FHIP1A: variants seen among roughly 807,000 people sequenced by gnomAD.
FHIP1A encodes FHF complex subunit HOOK interacting protein 1A.
Under a neutral mutation model 88.6 loss-of-function variants are expected in FHIP1A, and 61 were observed. The observed-to-expected ratio is 0.69, with a 90% CI of 0.56 to 0.85. FHIP1A has a LOEUF of 0.85. Among genes scored for constraint, FHIP1A ranks in the 40% least tolerant of loss-of-function variants. The pLI is 0.00. For missense variants in FHIP1A, 1,154 were observed against 1,273.5 expected (o/e 0.91, Z 1.43); for synonymous variants, 478 against 496.0 (o/e 0.96, Z 0.48).
intron 7 of FHIP1A, among the ~76,000 whole-genome samples, chr4:151,625,591 A>G (rs896724425): frequency 6.6e-6 from 1 of 152,150 alleles, no homozygotes; most frequent in Non-Finnish European, 1.5e-5. Flanking sequence ...CAATAAGTTA[A>G]TGTGCTTCTG....
intron 8 of FHIP1A, among the ~76,000 whole-genome samples, chr4:151,631,798 A>C (rs1483883127): frequency 6.6e-6 from 1 of 152,108 alleles, no homozygotes; most frequent in Non-Finnish European, 1.5e-5. Context: ...AACTCCAACT[A>C]CTGACTTTTA....
chr4:151,661,023 T>C (rs1320139951), intron 13 of FHIP1A, among the ~76,000 whole-genome samples: 4 of 152,134 alleles, frequency 2.6e-5, no homozygotes, highest in Admixed American at 6.5e-5. Context: ...CCTCTAAGGC[T>C]AGTAAGATTT....
rs549439018 is a variant in FHIP1A, at chr4:151,418,623, G to A, written c.-356+9158G>A. Among the ~76,000 whole-genome samples the A allele has an allele frequency of 7.2e-5, 11 of 152,312 alleles. No individual in the cohort carries two copies. In the South Asian group the frequency reaches 2.1e-3, roughly 29 times the overall value. ...TTCTGTCAATATTGGCATGCCAGGAGCAAACTCTTGACTTGGTTGTCTTGG... is the reference window on the plus strand; with the variant it reads ...TTCTGTCAATATTGGCATGCCAGGAACAAACTCTTGACTTGGTTGTCTTGG... On this transcript the variant is annotated intron_variant, in intron 1 of 13. Coordinates refer to ENST00000435205, the MANE Select transcript of FHIP1A (RefSeq NM_001109977.3).
intron 3 of FHIP1A, among the ~76,000 whole-genome samples, chr4:151,528,223 T>G (rs1040216369): frequency 2.2e-4 from 33 of 152,190 alleles, no homozygotes; most frequent in African/African-American, 7.5e-4. Flanking sequence ...CTGGATAAAT[T>G]ATGCCTTGGC....
At chr4:151,486,433 T>C (rs540456873) in intron 3 of FHIP1A, among the ~76,000 whole-genome samples, 6 of 152,238 alleles carry the variant, frequency 3.9e-5, no homozygotes, top group African/African-American at 1.4e-4. Context: ...GAGATTTTGA[T>C]TCAATACGTC....
chr4:151,492,920 G>T (rs908660728), intron 3 of FHIP1A, among the ~76,000 whole-genome samples: 3 of 152,000 alleles, frequency 2.0e-5, no homozygotes, highest in Admixed American at 2.0e-4. Flanking sequence ...GTCACTTCAA[G>T]GACCTGGAGA....
intron 1 of FHIP1A, among the ~76,000 whole-genome samples, chr4:151,430,627 A>G (rs1200231759): frequency 6.6e-6 from 1 of 152,216 alleles, no homozygotes; most frequent in Non-Finnish European, 1.5e-5. Context: ...TAACACATAT[A>G]TGTCTTTGCC....
intron 3 of FHIP1A, among the ~76,000 whole-genome samples, chr4:151,541,473 A>G (rs1402415637): frequency 6.6e-6 from 1 of 152,164 alleles, no homozygotes; most frequent in African/African-American, 2.4e-5. Flanking sequence ...TGTCTGTGTC[A>G]TCAACATCCA....
At chr4:151,613,161 T>C (rs1246953095) in intron 7 of FHIP1A, among the ~76,000 whole-genome samples, 1 of 152,220 alleles carries the variant, frequency 6.6e-6, no homozygotes, top group Non-Finnish European at 1.5e-5. Flanking sequence ...TTTAAAACAC[T>C]GGCTCTTCTG....
intron 3 of FHIP1A, among the ~76,000 whole-genome samples, chr4:151,560,788 C>T (rs1039467841): frequency 1.3e-5 from 2 of 152,136 alleles, no homozygotes; most frequent in African/African-American, 2.4e-5. Flanking sequence ...GAGCTGATAT[C>T]TCAATACTTG....
intron 3 of FHIP1A, among the ~76,000 whole-genome samples, chr4:151,551,052 A>T (rs867488749): frequency 1.3e-5 from 2 of 152,172 alleles, no homozygotes; most frequent in Middle Eastern, 3.2e-3. Context: ...GCAGAGGGAA[A>T]ATTCTGGAGA....
At chr4:151,473,387 C>T (rs1016257848) in intron 2 of FHIP1A, among the ~76,000 whole-genome samples, 2 of 151,940 alleles carry the variant, frequency 1.3e-5, no homozygotes, top group African/African-American at 4.8e-5. Flanking sequence ...TACTCTAAGG[C>T]ATTTCTGAAC....
chr4:151,569,216 G>A (rs1230305377), intron 4 of FHIP1A, among the ~76,000 whole-genome samples: 1 of 152,182 alleles, frequency 6.6e-6, no homozygotes, highest in Non-Finnish European at 1.5e-5. Context: ...TTGCCCAGGT[G>A]TCTGTTACCT....
At chr4:151,442,356 A>C (rs1027607036) in intron 1 of FHIP1A, among the ~76,000 whole-genome samples, 3 of 151,530 alleles carry the variant, frequency 2.0e-5, no homozygotes, top group Non-Finnish European at 2.9e-5. Context: ...CAACAGAAAA[A>C]CCCCCCAAAC....
chr4:151,416,926 G>T (rs202242548), intron 1 of FHIP1A, among the ~76,000 whole-genome samples: 2 of 152,056 alleles, frequency 1.3e-5, no homozygotes, highest in African/African-American at 4.8e-5. Context: ...TGGGACTACA[G>T]GTGCATGCCA....
At chr4:151,557,919 C>T (rs986033949) in intron 3 of FHIP1A, among the ~76,000 whole-genome samples, 5 of 152,086 alleles carry the variant, frequency 3.3e-5, no homozygotes, top group Non-Finnish European at 5.9e-5. Flanking sequence ...TAGACTTACA[C>T]GTGTATGTGC....
rs1737244363 is a variant in FHIP1A, at chr4:151,656,477, T to A, written c.2730+67T>A. The stretch of plus-strand genomic sequence containing the variant: ...GGTGCTAATTTGCAGGGCATCTATT[T>A]CTCTTTATTTTGTTTTTCAAAAATT... On this transcript the variant is annotated intron_variant, in intron 12 of 13. Transcript: ENST00000435205. This position sits in a 1 kb window ranked among gnomAD's most constrained non-coding sequence, Gnocchi z 4.2. 4.8e-6 allele frequency: 7 copies of A among 1,458,432 alleles called. No homozygotes were observed. In the African/African-American group the frequency reaches 1.0e-4, roughly 21 times the overall value. The allele number at this position is 1,458,432 out of a possible 1,614,324, so 90.3% of individuals were successfully genotyped here.
At chr4:151,642,875 A>G (rs1004203284) in intron 9 of FHIP1A, among the ~76,000 whole-genome samples, 1 of 150,774 alleles carries the variant, frequency 6.6e-6, no homozygotes, top group South Asian at 2.1e-4. Context: ...TATATATATC[A>G]TATATCATAT....
chr4:151,508,039 G>A (rs373587844), intron 3 of FHIP1A, among the ~76,000 whole-genome samples: 1 of 152,184 alleles, frequency 6.6e-6, no homozygotes, highest in African/African-American at 2.4e-5. Flanking sequence ...AAGACTGGAG[G>A]AAGTGGTACA....
Sources: gnomAD v4.1 joint callset for allele counts (sites outside exome capture counted in the v4.1 genomes callset) on GRCh38, gnomAD v4.1.1 for gene constraint, Gnocchi (gnomAD v3.1) non-coding constraint, MANE v1.5 for transcripts, NCBI Gene and HGNC (gene_info 2026-07-23, HGNC 2026-07-21) for gene names.